AMDHD2: variants seen among roughly 807,000 people sequenced by gnomAD.
The protein encoded by AMDHD2 is amidohydrolase domain containing 2, also known as N-acetylglucosamine-6-phosphate deacetylase.
Under a neutral mutation model 41.8 loss-of-function variants are expected in AMDHD2, and 24 were observed. The ratio of observed to expected loss-of-function variants is 0.57; its 90% CI spans 0.42 to 0.81. AMDHD2 has a LOEUF of 0.81. Among genes scored for constraint, AMDHD2 ranks in the 30% least tolerant of loss-of-function variants. AMDHD2 has a pLI of 0.00. For synonymous variants in AMDHD2, 332 were observed against 255.5 expected (o/e 1.30, Z -2.85); for missense variants, 540 against 588.5 (o/e 0.92, Z 0.85).
chr16:2,530,931 C>T lies in AMDHD2; in HGVS notation c.*1368C>T. On this transcript the variant is annotated 3_prime_UTR_variant, in exon 11 of 11. Transcript: ENST00000293971. ...CCCCTTAGGAAGTGGCTGTCCAGCG[C>T]CTGCCTGTGCTGGGCCTGGGAGAGG... 6.2e-7 allele frequency: 1 copy of T among 1,613,452 alleles called. No homozygotes were observed. The highest frequency in any genetic ancestry group is 8.5e-7 in the Non-Finnish European group (1 of 1,179,982).
Position 2,527,215 on chromosome 16 carries a change from C to T in AMDHD2, c.361-346C>T. The stretch of plus-strand genomic sequence containing the variant: ...ACACAGTGCTGAGCCCTGGCCATGC[C>T]CACACTGAGCTCTGCCCCAGGGTCC... On this transcript the variant is annotated intron_variant, in intron 3 of 10. Transcript: ENST00000293971. This position sits in a 1 kb window ranked among gnomAD's most constrained non-coding sequence, Gnocchi z 6.1. The T allele has an allele frequency of 2.4e-6, 1 of 421,612 alleles. No homozygotes were observed. The highest frequency in any genetic ancestry group is 4.3e-6 in the Non-Finnish European group (1 of 232,354). 26.1% of individuals were successfully genotyped at this position (421,612 alleles called of 1,614,324 possible).
At position 2,530,961 on chromosome 16, in the gene AMDHD2, G is replaced by A. The variant is rs777077113; in HGVS notation, c.*1398G>A. The A allele has an allele frequency of 1.9e-6, 3 of 1,613,382 alleles. No homozygotes were observed. The highest frequency in any genetic ancestry group is 8.5e-7 in the Non-Finnish European group (1 of 1,179,950). On this transcript the variant is annotated 3_prime_UTR_variant, in exon 11 of 11. Transcript: ENST00000293971. ...CTGTGCTGGGCCTGGGAGAGGAGCT[G>A]TCTTGCCAGGGCTCCCAGGCAGGGA...
At chr16:2,521,627 T>C (rs1280008512) in intron 3 of AMDHD2, among the ~76,000 whole-genome samples, 5 of 152,122 alleles carry the variant, frequency 3.3e-5, no homozygotes, top group African/African-American at 4.8e-5. Flanking sequence ...GTCCTTGGTC[T>C]TTTTTTATTT....
chr16:2,531,210 T>G lies in AMDHD2; in HGVS notation c.*1647T>G, dbSNP rs1304641828. 1 of 1,192,560 alleles carries G rather than the reference T, an allele frequency of 8.4e-7. No homozygotes were observed. Among genetic ancestry groups the G allele is most frequent in the Non-Finnish European group, 1.2e-6 (1 of 860,810 alleles). 73.9% of individuals were successfully genotyped at this position (1,192,560 alleles called of 1,614,324 possible). On this transcript the variant is annotated 3_prime_UTR_variant, in exon 11 of 11. Transcript: ENST00000293971. ...CCGGCCAGCGCCCCACCTCCCTGGC[T>G]GGAGGGTCGGGGAGGGGCTGGCAGA...
chr16:2,526,529 G>T (rs942569412), intron 3 of AMDHD2, among the ~76,000 whole-genome samples: 4 of 151,904 alleles, frequency 2.6e-5, no homozygotes, highest in African/African-American at 9.7e-5. Context: ...CCCCCACTGC[G>T]TGCACTCCCC....
At chr16:2,524,422 G>A (rs567439260) in intron 3 of AMDHD2, among the ~76,000 whole-genome samples, 4 of 152,266 alleles carry the variant, frequency 2.6e-5, no homozygotes, top group Non-Finnish European at 5.9e-5. Context: ...CTCTGGCCCC[G>A]CACACCCTCT....
Position 2,530,153 on chromosome 16 carries a change from G to A in AMDHD2, c.*590G>A. ...ACCTCCAGGAGGGAGACTGGGCCCG[G>A]GACCCCTGTTTTCTGCTCCCTGGAC... On this transcript the variant is annotated 3_prime_UTR_variant, in exon 11 of 11. Transcript: ENST00000293971. 7.0e-7 allele frequency: 1 copy of A among 1,428,890 alleles called. No individual in the cohort carries two copies. Among genetic ancestry groups the A allele is most frequent in the Non-Finnish European group, 9.2e-7 (1 of 1,083,542 alleles). 88.5% of individuals were successfully genotyped at this position (1,428,890 alleles called of 1,614,324 possible). A position where few individuals can be genotyped will look rare whatever the true frequency, so the allele number is the denominator to read the frequency against.
intron 3 of AMDHD2, among the ~76,000 whole-genome samples, chr16:2,525,533 ATTTAT>A (rs1212758753): frequency 6.6e-6 from 1 of 151,296 alleles, no homozygotes; most frequent in Non-Finnish European, 1.5e-5. Context: ...TGCCTGGCTA[ATTTAT>A]TTATTTTTAT....
Position 2,530,317 on chromosome 16 carries a change from C to G in AMDHD2, c.*754C>G, listed in dbSNP as rs1261843099. ...TGCTGGAGGGCAGTATGGGAGGCAC[C>G]AGTGTGCCCTGCTCACCCCATTAGT... On this transcript the variant is annotated 3_prime_UTR_variant, in exon 11 of 11. Coordinates refer to ENST00000293971, the MANE Select transcript of AMDHD2 (RefSeq NM_001330449.2). 1.2e-6 allele frequency: 2 copies of G among 1,614,078 alleles called. No homozygotes were observed. Among genetic ancestry groups the G allele is most frequent in the Non-Finnish European group, 1.7e-6 (2 of 1,179,998 alleles).
chr16:2,531,066 G>T lies in AMDHD2; in HGVS notation c.*1503G>T. ...AGCTTGCTGGCTGTCAGTGCTTGAT[G>T]TGCCCATCCTCAGCTAAAACCCAGA... is the stretch of plus-strand genomic sequence containing the variant. On this transcript the variant is annotated 3_prime_UTR_variant, in exon 11 of 11. Transcript: ENST00000293971. The T allele has an allele frequency of 6.3e-7, 1 of 1,590,064 alleles. No individual in the cohort carries two copies. The highest frequency in any genetic ancestry group is 8.6e-7 in the Non-Finnish European group (1 of 1,163,920).
chr16:2,521,411 G>C (rs2065935659), intron 3 of AMDHD2, among the ~76,000 whole-genome samples: 1 of 152,134 alleles, frequency 6.6e-6, no homozygotes, highest in Non-Finnish European at 1.5e-5. Flanking sequence ...CACTCTGGCT[G>C]CCTCCAGGCT....
Position 2,527,384 on chromosome 16 carries a change from A to G in AMDHD2, c.361-177A>G, listed in dbSNP as rs977207914. On this transcript the variant is annotated intron_variant, in intron 3 of 10. Transcript: ENST00000293971. This position sits in a 1 kb window ranked among gnomAD's most constrained non-coding sequence, Gnocchi z 6.1. ...CCTATCATTTCTTCCTGCTCCTGCC[A>G]TGGGTCCTTCAATTCTGCCGGCTGT... 6.6e-6 allele frequency among the ~76,000 whole-genome samples: 1 copy of G among 152,080 alleles called. No individual in the cohort carries two copies. The highest frequency in any genetic ancestry group is 6.5e-5 in the Admixed American group (1 of 15,282).
rs1239672053 is a variant in AMDHD2, at chr16:2,522,874, C to T, written c.360+1751C>T. Among the ~76,000 whole-genome samples, 3 of 147,012 alleles carry T rather than the reference C, an allele frequency of 2.0e-5. No individual in the cohort carries two copies. In the South Asian group the frequency reaches 6.4e-4, roughly 31 times the overall value. On this transcript the variant is annotated intron_variant, in intron 3 of 10. Transcript: ENST00000293971. ...TTTTTTTTTTTTTGAGACATAGTCTCCCTTTGTTGACCAGGCTGGAGTGCA... is the reference window on the plus strand; with the variant it reads ...TTTTTTTTTTTTTGAGACATAGTCTTCCTTTGTTGACCAGGCTGGAGTGCA...
At chr16:2,524,498 CT>C (rs1458737274) in intron 3 of AMDHD2, among the ~76,000 whole-genome samples, 17 of 152,198 alleles carry the variant, frequency 1.1e-4, no homozygotes, top group Admixed American at 3.3e-4. Flanking sequence ...CTCAGTTGAT[CT>C]TTTACTGTGC....
Position 2,527,711 on chromosome 16 carries a change from G to A in AMDHD2, c.416-62G>A. Reference sequence around the variant, plus strand: ...CTCCAGATGCCCAGCTGGTGGGGAGGGCAGGTGATAAGGGCTGGGTGGGGC... The same window carrying A: ...CTCCAGATGCCCAGCTGGTGGGGAGAGCAGGTGATAAGGGCTGGGTGGGGC... On this transcript the variant is annotated intron_variant, in intron 4 of 10. Coordinates refer to ENST00000293971, the MANE Select transcript of AMDHD2 (RefSeq NM_001330449.2). The surrounding 1 kb of genome is among the most constrained non-coding windows in gnomAD (Gnocchi z 6.1). 1 of 1,557,044 alleles carries A rather than the reference G, an allele frequency of 6.4e-7. No individual in the cohort carries two copies. The highest frequency in any genetic ancestry group is 8.7e-7 in the Non-Finnish European group (1 of 1,151,402).
chr16:2,531,378 A>G lies in AMDHD2; in HGVS notation c.*1815A>G. ...TTGGTTGGTTTTGGTTTGCTTTTTA[A>G]AAATTGTGGTAAAATACATAACAAA... On this transcript the variant is annotated 3_prime_UTR_variant, in exon 11 of 11. Coordinates refer to ENST00000293971, the MANE Select transcript of AMDHD2 (RefSeq NM_001330449.2). The G allele has an allele frequency of 2.0e-6, 1 of 503,946 alleles. No individual in the cohort carries two copies. The allele number at this position is 503,946 out of a possible 1,614,324, so 31.2% of individuals were successfully genotyped here. A position where few individuals can be genotyped will look rare whatever the true frequency, so the allele number is the denominator to read the frequency against.
chr16:2,529,639 A>C lies in AMDHD2; in HGVS notation c.*76A>C. 6.3e-7 allele frequency: 1 copy of C among 1,591,822 alleles called. No homozygotes were observed. Among genetic ancestry groups the C allele is most frequent in the Non-Finnish European group, 8.5e-7 (1 of 1,175,642 alleles). ...CCGGGTGGTTGGGGAGCTGGTCTCC[A>C]GGGAGTGAGTCGGGAGCCCTGCTGG... On this transcript the variant is annotated 3_prime_UTR_variant, in exon 11 of 11. Transcript: ENST00000293971.
At position 2,528,077 on chromosome 16, in the gene AMDHD2, C is replaced by G; in HGVS notation, c.646C>G (p.Leu216Val). 1.2e-6 allele frequency: 2 copies of G among 1,613,078 alleles called. No homozygotes were observed. The highest frequency in any genetic ancestry group is 1.7e-6 in the Non-Finnish European group (2 of 1,179,886). The change falls in exon 6 of 11, where the codon CTG becomes GTG. Residue 216 changes from leucine (L) to valine (V), a missense_variant. Coordinates refer to ENST00000293971, the MANE Select transcript of AMDHD2 (RefSeq NM_001330449.2). ...CVSLGHSVAD[L>V]RAAEDAVWSG... ...TCCCGCAGGGCACTCAGTGGCTGAC[C>G]TGCGGGCGGCAGAGGATGCTGTGTG...
At position 2,530,767 on chromosome 16, in the gene AMDHD2, C is replaced by A. The variant is rs535834483; in HGVS notation, c.*1204C>A. 3.8e-4 allele frequency: 615 copies of A among 1,613,520 alleles called. 10 individuals are homozygous for A. In the South Asian group the frequency reaches 6.3e-3, roughly 17 times the overall value. The stretch of plus-strand genomic sequence containing the variant: ...GGGCAGGGCCTCGCCTGAGGGAGGG[C>A]CTGGGGCAGGGCACAAGGGGTTGAT... On this transcript the variant is annotated 3_prime_UTR_variant, in exon 11 of 11. Transcript: ENST00000293971.
Sources: gnomAD v4.1 joint callset for allele counts (sites outside exome capture counted in the v4.1 genomes callset) on GRCh38, gnomAD v4.1.1 for gene constraint, Gnocchi (gnomAD v3.1) non-coding constraint, MANE v1.5 for transcripts, NCBI Gene and HGNC (gene_info 2026-07-23, HGNC 2026-07-21) for gene names.